ENTREP2: variants seen among roughly 807,000 people sequenced by gnomAD.
ENTREP2 encodes the protein endosomal transmembrane epsin interactor 2.
chr15:29,407,223 C>T, the ENTREP2 span, among the ~76,000 whole-genome samples: 3 of 152,204 alleles, frequency 2.0e-5, no homozygotes, highest in Non-Finnish European at 4.4e-5. Context: ...CTGTCCTGAA[C>T]ACTGTAGGCA....
the ENTREP2 span, among the ~76,000 whole-genome samples, chr15:29,249,941 A>C: frequency 2.6e-5 from 4 of 152,028 alleles, no homozygotes; most frequent in South Asian, 2.1e-4. Flanking sequence ...CACACTTTAA[A>C]CAACCAGCTC....
At chr15:29,258,080 G>A in the ENTREP2 span, among the ~76,000 whole-genome samples, 1 of 152,080 alleles carries the variant, frequency 6.6e-6, no homozygotes, top group African/African-American at 2.4e-5. Flanking sequence ...GGGCGTGCTG[G>A]CACGCGCCTG....
the ENTREP2 span, chr15:29,610,619 T>C: frequency 6.6e-6 from 1 of 150,764 alleles, no homozygotes; most frequent in Non-Finnish European, 1.5e-5. Context: ...AACAATGCTG[T>C]TATTCCCTAA....
chr15:29,362,760 T>C, the ENTREP2 span, among the ~76,000 whole-genome samples: 1 of 152,282 alleles, frequency 6.6e-6, no homozygotes, highest in East Asian at 1.9e-4. Context: ...ATGTGCCTGA[T>C]GGATTAAAAG....
the ENTREP2 span, among the ~76,000 whole-genome samples, chr15:29,205,173 G>A: frequency 3.3e-5 from 5 of 152,312 alleles, no homozygotes; most frequent in South Asian, 4.1e-4. Flanking sequence ...TAAGGCTGAA[G>A]AATGTTCTAT....
chr15:29,391,236 C>T, the ENTREP2 span, among the ~76,000 whole-genome samples: 1 of 151,890 alleles, frequency 6.6e-6, no homozygotes, highest in Non-Finnish European at 1.5e-5. Context: ...GCCCCCTCTC[C>T]TTAGGGCAAC....
the ENTREP2 span, among the ~76,000 whole-genome samples, chr15:29,384,003 A>G: frequency 6.6e-6 from 1 of 152,202 alleles, no homozygotes; most frequent in South Asian, 2.1e-4. Context: ...GAAATCCTTG[A>G]CCAATGTCTC....
chr15:29,612,329 C>T, the ENTREP2 span, among the ~76,000 whole-genome samples: 1 of 152,100 alleles, frequency 6.6e-6, no homozygotes, highest in African/African-American at 2.4e-5. Flanking sequence ...AAGCTACTCT[C>T]ACTGGTCTGT....
At chr15:29,517,300 TA>T in the ENTREP2 span, among the ~76,000 whole-genome samples, 1 of 152,182 alleles carries the variant, frequency 6.6e-6, no homozygotes, top group Non-Finnish European at 1.5e-5. Flanking sequence ...ACTCAACTGT[TA>T]GAATAATTCT....
At chr15:29,209,203 A>T in the ENTREP2 span, among the ~76,000 whole-genome samples, 5 of 152,246 alleles carry the variant, frequency 3.3e-5, no homozygotes, top group East Asian at 3.9e-4. Context: ...ATTAATTTTT[A>T]AAAAATACAC....
the ENTREP2 span, among the ~76,000 whole-genome samples, chr15:29,192,666 A>C: frequency 6.6e-6 from 1 of 152,210 alleles, no homozygotes; most frequent in Non-Finnish European, 1.5e-5. Context: ...AGCAATGAGG[A>C]AGAGTCAAAT....
the ENTREP2 span, among the ~76,000 whole-genome samples, chr15:29,657,097 G>A: frequency 3.3e-5 from 5 of 152,126 alleles, no homozygotes; most frequent in African/African-American, 4.8e-5. Context: ...CCTCACGCCA[G>A]AGGGCAGTGG....
chr15:29,485,603 T>C, the ENTREP2 span, among the ~76,000 whole-genome samples: 2 of 152,116 alleles, frequency 1.3e-5, no homozygotes, highest in Non-Finnish European at 2.9e-5. Context: ...AAGGAAAGGC[T>C]GGGGACAGGG....
chr15:29,256,176 A>G, the ENTREP2 span, among the ~76,000 whole-genome samples: 1 of 152,164 alleles, frequency 6.6e-6, no homozygotes, highest in African/African-American at 2.4e-5. Context: ...ACAGGCACTG[A>G]GGACTCCAAC....
At chr15:29,120,141 C>T in the ENTREP2 span, 149,372 of 152,348 alleles carry the variant, frequency 0.98, 73,293 homozygotes, top group South Asian at 1. Context: ...CATGGGTATC[C>T]CAGGCTCCCC....
the ENTREP2 span, among the ~76,000 whole-genome samples, chr15:29,324,098 A>C: frequency 7.7e-6 from 1 of 129,796 alleles, no homozygotes; most frequent in Non-Finnish European, 1.6e-5. Context: ...TGTTACAAAC[A>C]TAGTAGAATT....
chr15:29,389,523 G>A, the ENTREP2 span, among the ~76,000 whole-genome samples: 3 of 152,278 alleles, frequency 2.0e-5, no homozygotes, highest in South Asian at 6.2e-4. Flanking sequence ...GTGAGCTTCT[G>A]TGGAGCCAAG....
chr15:29,283,125 C>G, the ENTREP2 span, among the ~76,000 whole-genome samples: 1 of 152,138 alleles, frequency 6.6e-6, no homozygotes, highest in Non-Finnish European at 1.5e-5. Context: ...AGCAGCTATC[C>G]CAGGCCAGAG....
chr15:29,444,643 T>C, the ENTREP2 span, among the ~76,000 whole-genome samples: 874 of 152,192 alleles, frequency 5.7e-3, 4 homozygotes, highest in African/African-American at 0.02. Context: ...ATTTTTGTAT[T>C]TTTAGTAGAG....
Sources: gnomAD v4.1 joint callset for allele counts (sites outside exome capture counted in the v4.1 genomes callset) on GRCh38, gnomAD v4.1.1 for gene constraint, MANE v1.5 for transcripts, NCBI Gene and HGNC (gene_info 2026-07-23, HGNC 2026-07-21) for gene names.